Variants in ITPK1 observed in about 807,000 individuals in gnomAD.
ITPK1 encodes the protein inositol-tetrakisphosphate 1-kinase, also known as inositol 1,3,4-trisphosphate 5/6-kinase.
ITPK1 carries 21 observed loss-of-function variants against 45.3 expected under a neutral mutation model. The observed-to-expected ratio is 0.46, with a 90% confidence interval of 0.33 to 0.67. The LOEUF (loss-of-function observed/expected upper bound fraction) is 0.67, where lower values mean the gene tolerates loss of function less well. Among genes scored for constraint, ITPK1 ranks in the 30% least tolerant of loss-of-function variants. The pLI is 0.02. For synonymous variants in ITPK1, 258 were observed against 253.6 expected (o/e 1.02, Z -0.16); for missense variants, 474 against 573.5 (o/e 0.83, Z 1.77).
intron 5 of ITPK1, among the ~76,000 whole-genome samples, chr14:92,990,155 C>T (rs969437508): frequency 2.0e-5 from 3 of 152,206 alleles, no homozygotes; most frequent in Non-Finnish European, 4.4e-5. Context: ...GACTCCCTTG[C>T]AGCTTAGGAT....
In ITPK1 at chr14:92,942,547, G is replaced by GC. The variant is rs544310848; in HGVS notation, c.902-644dup. 5.5e-4 allele frequency among the ~76,000 whole-genome samples: 84 copies of GC among 152,306 alleles called. 1 individual carries two copies. The highest frequency in any genetic ancestry group is 1.9e-3 in the African/African-American group (77 of 41,558). On this transcript the variant is annotated intron_variant, in intron 10 of 10. Coordinates refer to ENST00000267615, the MANE Select transcript of ITPK1 (RefSeq NM_014216.6). ...CTCACCACAAAATACCTGCAGGGAG[G>GC]CCCCCTGTGTCCCATTCTCTGAGGA...
intron 4 of ITPK1, among the ~76,000 whole-genome samples, chr14:92,995,451 T>C (rs2139812746): frequency 6.6e-6 from 1 of 152,360 alleles, no homozygotes; most frequent in East Asian, 1.9e-4. Context: ...AAGCCACTTT[T>C]AACACAAAAA....
In ITPK1 at chr14:92,941,786, C is replaced by T. The variant is rs1268869153; in HGVS notation, c.1020G>A (p.Lys340=). 1.2e-6 allele frequency: 2 copies of T among 1,610,338 alleles called. No individual in the cohort carries two copies. The highest frequency in any genetic ancestry group is 1.7e-6 in the Non-Finnish European group (2 of 1,179,288). Residue 340 remains lysine, a synonymous_variant, in exon 11 of 11, where the codon AAG becomes AAA. Coordinates refer to ENST00000267615, the MANE Select transcript of ITPK1 (RefSeq NM_014216.6). Reference sequence around the variant, plus strand: ...GGCCGCCCGCCGGCTCGGCCAGAAGCTTGCTGTGCCTCAGCAGGGCCACGT... The same window carrying T: ...GGCCGCCCGCCGGCTCGGCCAGAAGTTTGCTGTGCCTCAGCAGGGCCACGT... ...TGDVALLRHS[K]LLAEPAGGLV...
intron 5 of ITPK1, among the ~76,000 whole-genome samples, chr14:92,965,875 C>T (rs1321566879): frequency 2.6e-5 from 4 of 152,066 alleles, no homozygotes; most frequent in African/African-American, 9.7e-5. Context: ...TGGTGGTGCA[C>T]GCCTGTAATC....
At chr14:93,061,555 C>G (rs572730943) in intron 3 of ITPK1, among the ~76,000 whole-genome samples, 4 of 152,252 alleles carry the variant, frequency 2.6e-5, no homozygotes, top group Admixed American at 2.0e-4. Flanking sequence ...TTGCTGTATG[C>G]GTGCCTGGTG....
chr14:92,965,219 C>G (rs1430770489), intron 5 of ITPK1, among the ~76,000 whole-genome samples: 3 of 152,328 alleles, frequency 2.0e-5, no homozygotes, highest in Non-Finnish European at 4.4e-5. Context: ...AGTGTCAACA[C>G]ACAGAATCAA....
chr14:93,090,868 C>A (rs1362170549), intron 2 of ITPK1, among the ~76,000 whole-genome samples: 1 of 152,208 alleles, frequency 6.6e-6, no homozygotes, highest in Non-Finnish European at 1.5e-5. Flanking sequence ...ACGCTACACT[C>A]CATCATTTCC....
At chr14:93,013,121 C>T (rs899343815) in intron 4 of ITPK1, among the ~76,000 whole-genome samples, 3 of 152,212 alleles carry the variant, frequency 2.0e-5, no homozygotes, top group Admixed American at 2.0e-4. Context: ...TGGGCAGGCC[C>T]TGGGGGCCCC....
intron 3 of ITPK1, among the ~76,000 whole-genome samples, chr14:93,029,185 G>A (rs1220702608): frequency 6.6e-6 from 1 of 152,184 alleles, no homozygotes; most frequent in Non-Finnish European, 1.5e-5. Context: ...CCGAAAAAAG[G>A]ACATGATGAG....
In ITPK1 at chr14:92,962,833, C is replaced by T. The variant is rs778700158; in HGVS notation, c.381G>A (p.Ser127=). Residue 127 remains serine, a synonymous_variant, in exon 6 of 11, where the codon TCG becomes TCA. Transcript: ENST00000267615. ...GGCTCGTGAGCTCCATGAAGGGTGG[C>T]GAGCAGATCCTGTCGTCTAGGGCAG... ...EAYMEDDRIC[S]PPFMELTSLC... is the part of the protein sequence containing the mutation. 4.5e-5 allele frequency: 72 copies of T among 1,613,004 alleles called. No individual in the cohort carries two copies. The highest frequency in any genetic ancestry group is 2.9e-4 in the South Asian group (26 of 91,072).
At chr14:93,110,694 G>C (rs1892714444) in intron 2 of ITPK1, among the ~76,000 whole-genome samples, 1 of 152,178 alleles carries the variant, frequency 6.6e-6, no homozygotes, top group Non-Finnish European at 1.5e-5. Context: ...TCCCTTCTAA[G>C]GTATTGGGAC....
intron 3 of ITPK1, among the ~76,000 whole-genome samples, chr14:93,043,348 G>A (rs1889642443): frequency 6.6e-6 from 1 of 152,214 alleles, no homozygotes; most frequent in Admixed American, 6.5e-5. Context: ...TCTGAGGGCA[G>A]GAAATACCAG....
intron 3 of ITPK1, among the ~76,000 whole-genome samples, chr14:93,074,054 T>C (rs1251260363): frequency 6.6e-6 from 1 of 152,228 alleles, no homozygotes; most frequent in Non-Finnish European, 1.5e-5. Context: ...CCAGCTGATT[T>C]TGAAAAGCCA....
At chr14:92,970,478 G>A (rs754776729) in intron 5 of ITPK1, among the ~76,000 whole-genome samples, 5 of 152,198 alleles carry the variant, frequency 3.3e-5, no homozygotes, top group Non-Finnish European at 5.9e-5. Context: ...CTCCGACACC[G>A]GCTCTTAGAG....
intron 2 of ITPK1, among the ~76,000 whole-genome samples, chr14:93,086,666 G>A (rs1891662157): frequency 6.6e-6 from 1 of 152,236 alleles, no homozygotes; most frequent in Non-Finnish European, 1.5e-5. Flanking sequence ...ACAGCAGGAG[G>A]CACAGGGAAG....
chr14:93,060,668 A>T (rs1020989980), intron 3 of ITPK1, among the ~76,000 whole-genome samples: 1 of 152,170 alleles, frequency 6.6e-6, no homozygotes, highest in African/African-American at 2.4e-5. Context: ...GAGGAACCAG[A>T]GAGGTCTGGT....
chr14:92,951,044 C>A (rs139639079), intron 9 of ITPK1, among the ~76,000 whole-genome samples: 1 of 152,202 alleles, frequency 6.6e-6, no homozygotes, highest in East Asian at 1.9e-4. Flanking sequence ...CCGAGGGACA[C>A]GAGCACTGCC....
chr14:93,038,735 C>T (rs893025042), intron 3 of ITPK1, among the ~76,000 whole-genome samples: 4 of 152,182 alleles, frequency 2.6e-5, no homozygotes, highest in Non-Finnish European at 5.9e-5. Flanking sequence ...CCATGTTGGC[C>T]AGGCTGGTCT....
intron 2 of ITPK1, among the ~76,000 whole-genome samples, chr14:93,086,175 A>C (rs1891645178): frequency 6.6e-6 from 1 of 152,108 alleles, no homozygotes; most frequent in South Asian, 2.1e-4. Context: ...GGGGAGGGAG[A>C]AGCCTGCTCA....
Sources: allele counts gnomAD v4.1 joint callset (sites outside exome capture counted in the v4.1 genomes callset), GRCh38; gene constraint gnomAD v4.1.1; transcripts MANE v1.5; gene names NCBI Gene and HGNC (gene_info 2026-07-23, HGNC 2026-07-21).